RDH8: variants seen among roughly 807,000 people sequenced by gnomAD.
The protein encoded by RDH8 is retinol dehydrogenase 8.
Under a neutral mutation model 22.3 loss-of-function variants are expected in RDH8, and 14 were observed. The observed-to-expected ratio is 0.63, with a 90% CI of 0.42 to 0.98. The LOEUF (loss-of-function observed/expected upper bound fraction) is 0.98, where lower values mean the gene tolerates loss of function less well. Among genes scored for constraint, RDH8 ranks in the 50% least tolerant of loss-of-function variants. The probability of loss-of-function intolerance (pLI) is 0.00; values close to 1 mark genes in which losing one functional copy is unlikely to be tolerated. For missense variants in RDH8, 389 were observed against 409.8 expected, an observed-to-expected ratio of 0.95 and a Z score of 0.44; for synonymous variants, 175 against 171.7, an observed-to-expected ratio of 1.02 and a Z score of -0.15.
At chr19:10,013,676 C>A in intron 1 of RDH8, 76 bp downstream of exon 1, 2 of 1,487,408 alleles carry the variant, frequency 1.3e-6, no homozygotes, top group Non-Finnish European at 9.3e-7. Flanking sequence ...CTACCCATCC[C>A]TCCCAGCTGC....
chr19:10,021,348 T>A lies in RDH8; in HGVS notation c.630T>A (p.Pro210=). Residue 210 remains proline, a synonymous_variant, in exon 5 of 6, where the codon CCT becomes CCA. Coordinates refer to ENST00000591589, the MANE Select transcript of RDH8 (RefSeq NM_015725.4). Reference sequence around the variant, plus strand: ...TGGCTGAGTTCCCAGGCACTGACCCTGAGACCCTGCACTACTTCCGGGACC... The same window carrying A: ...TGGCTGAGTTCCCAGGCACTGACCCAGAGACCCTGCACTACTTCCGGGACC... ...VSMAEFPGTD[P]ETLHYFRDLY... 1.2e-6 allele frequency: 2 copies of A among 1,614,016 alleles called. No homozygotes were observed. Among genetic ancestry groups the A allele is most frequent in the Non-Finnish European group, 1.7e-6 (2 of 1,179,986 alleles).
chr19:10,021,749 A>G lies in RDH8; in HGVS notation c.936A>G (p.Ter312TrpextTer46), dbSNP rs1458999259. Residue 312 changes from the stop codon to tryptophan, a stop_lost, in exon 6 of 6, where the codon TGA becomes TGG. Transcript: ENST00000591589. ...GCLPTRVRPR* is the reference protein window; with the variant it reads ...GCLPTRVRPRW ...TCCCAACGCGGGTGCGGCCAAGATG[A>G]GCAGAACAGAGCTTCACGATCCCCA... 1.2e-6 allele frequency: 2 copies of G among 1,612,926 alleles called. No individual in the cohort carries two copies. The highest frequency in any genetic ancestry group is 3.3e-5 in the Admixed American group (2 of 60,022).
At chr19:10,015,624 G>A (rs1224685078) in intron 1 of RDH8, among the ~76,000 whole-genome samples, 6 of 144,160 alleles carry the variant, frequency 4.2e-5, no homozygotes, top group African/African-American at 7.6e-5. Flanking sequence ...GCGAGACTCC[G>A]TCTCAAAAAA....
chr19:10,019,805 A>T (rs76194153), intron 3 of RDH8, among the ~76,000 whole-genome samples: 1 of 135,962 alleles, frequency 7.4e-6, no homozygotes, highest in Non-Finnish European at 1.5e-5. Context: ...CTGTCTAAAA[A>T]AAATAAATAA....
intron 2 of RDH8, 136 bp from the exon 3 acceptor site, chr19:10,018,584 GTTACCAAGGTT>G (rs1453702966): frequency 3.3e-6 from 2 of 612,936 alleles, no homozygotes; most frequent in East Asian, 5.6e-5. Flanking sequence ...GTGTTTAAAG[GTTACCAAGGTT>G]TCATATTTGT....
intron 1 of RDH8, among the ~76,000 whole-genome samples, 199 bp from the exon 2 acceptor site, chr19:10,016,858 T>C (rs1230607881): frequency 6.6e-6 from 1 of 152,146 alleles, no homozygotes; most frequent in African/African-American, 2.4e-5. Context: ...GTTGAACTCA[T>C]GGTTGGAAGG....
chr19:10,020,263 C>A (rs1456188820), intron 3 of RDH8, among the ~76,000 whole-genome samples: 1 of 150,046 alleles, frequency 6.7e-6, no homozygotes, highest in Non-Finnish European at 1.5e-5. Context: ...GATTGCACCA[C>A]TGCACCCCAG....
chr19:10,021,220 G>C (rs535674430), intron 4 of RDH8, 35 bp from the exon 5 acceptor site: 2 of 1,599,402 alleles, frequency 1.3e-6, no homozygotes, highest in East Asian at 2.2e-5. Flanking sequence ...AGTGGTTGGG[G>C]CATCAGACTT....
Position 10,018,629 on chromosome 19 carries a change from C to A in RDH8, c.263-102C>A, listed in dbSNP as rs981502638. Reference sequence around the variant, plus strand: ...GTCCACCCAAGATACCCTGGACTGGCCTTGGACTTGGAGTACGGGGTGAGG... The same window carrying A: ...GTCCACCCAAGATACCCTGGACTGGACTTGGACTTGGAGTACGGGGTGAGG... On this transcript the variant is annotated intron_variant, in intron 2 of 5. Coordinates refer to ENST00000591589, the MANE Select transcript of RDH8 (RefSeq NM_015725.4). 5.6e-6 allele frequency: 5 copies of A among 896,810 alleles called. No individual in the cohort carries two copies. The African/African-American group carries it at 8.4e-5, about 15-fold the overall frequency. The allele number at this position is 896,810 out of a possible 1,614,324, so 55.6% of individuals were successfully genotyped here. A position where few individuals can be genotyped will look rare whatever the true frequency, so the allele number is the denominator to read the frequency against.
chr19:10,021,098 C>A, intron 4 of RDH8, 157 bp from the exon 5 acceptor site: 2 of 702,498 alleles, frequency 2.8e-6, no homozygotes, highest in Non-Finnish European at 4.7e-6. Context: ...TGTTTGAACC[C>A]AGGAGTTGGA....
At chr19:10,013,838 G>A (rs1045724054) in intron 1 of RDH8, among the ~76,000 whole-genome samples, 1 of 152,178 alleles carries the variant, frequency 6.6e-6, no homozygotes, top group African/African-American at 2.4e-5. Flanking sequence ...CGGGTGTCAT[G>A]TGGGGAGGAG....
At chr19:10,016,833 G>T (rs1299966465) in intron 1 of RDH8, among the ~76,000 whole-genome samples, 1 of 152,170 alleles carries the variant, frequency 6.6e-6, no homozygotes, top group Non-Finnish European at 1.5e-5. Context: ...TATAGTAGAT[G>T]CTCAATAAAT....
intron 1 of RDH8, among the ~76,000 whole-genome samples, chr19:10,014,030 A>T (rs2145163131): frequency 6.6e-6 from 1 of 152,150 alleles, no homozygotes; most frequent in South Asian, 2.1e-4. Context: ...TCACTCTTCC[A>T]CGTCTCCCCA....
Position 10,021,569 on chromosome 19 carries a change from C to T in RDH8, c.756C>T (p.Pro252=). Residue 252 remains proline, a synonymous_variant, in exon 6 of 6, where the codon CCC becomes CCT. Coordinates refer to ENST00000591589, the MANE Select transcript of RDH8 (RefSeq NM_015725.4). ...ACGTCATCAGCTCGACTCGACCACCCCTGCGCCGACAGACCAACATCCGCT... is the reference window on the plus strand; with the variant it reads ...ACGTCATCAGCTCGACTCGACCACCTCTGCGCCGACAGACCAACATCCGCT... ...IVNVISSTRP[P]LRRQTNIRYS... is the part of the protein sequence containing the mutation. 1.2e-6 allele frequency: 2 copies of T among 1,614,156 alleles called. No homozygotes were observed. The highest frequency in any genetic ancestry group is 1.1e-5 in the South Asian group (1 of 91,076).
Position 10,017,194 on chromosome 19 carries a change from C to T in RDH8, c.241C>T (p.Gln81Ter). Reference sequence around the variant, plus strand: ...GGTGGCCCAGTGTCTCAGCTGTATCCAGGGAGAAGTGGACGTGCTGGGTGA... The same window carrying T: ...GGTGGCCCAGTGTCTCAGCTGTATCTAGGGAGAAGTGGACGTGCTGGGTGA... ...ESVAQCLSCI[Q>*]GEVDVLVNNA... is the part of the protein sequence containing the mutation. Residue 81 changes from glutamine (Q) to a stop codon, truncating the protein, a stop_gained, in exon 2 of 6, where the codon CAG (glutamine) becomes TAG (stop). Coordinates refer to ENST00000591589, the MANE Select transcript of RDH8 (RefSeq NM_015725.4). LOFTEE classifies it high-confidence loss of function. The T allele has an allele frequency of 6.3e-7, 1 of 1,599,950 alleles. No individual in the cohort carries two copies. The highest frequency in any genetic ancestry group is 8.5e-7 in the Non-Finnish European group (1 of 1,171,558).
intron 1 of RDH8, among the ~76,000 whole-genome samples, chr19:10,014,191 C>T (rs1047621215): frequency 6.6e-6 from 1 of 152,188 alleles, no homozygotes; most frequent in African/African-American, 2.4e-5. Flanking sequence ...ACCCCTGACC[C>T]AGAGGGAGCA....
chr19:10,020,800 C>T lies in RDH8; in HGVS notation c.534C>T (p.Ile178=). ...CTATCCAGCTGCTGCAGTTCAACAT[C>T]TTGTGAGGCGGGCACGTGGGCAGAG... is the stretch of plus-strand genomic sequence containing the variant. ...SLAIQLLQFN[I]FISLVEPGPV... Residue 178 remains isoleucine (I), a splice_region_variant and synonymous_variant, in exon 4 of 6, where the codon ATC becomes ATT. Coordinates refer to ENST00000591589, the MANE Select transcript of RDH8 (RefSeq NM_015725.4). The T allele has an allele frequency of 1.2e-6, 2 of 1,606,312 alleles. No homozygotes were observed. Among genetic ancestry groups the T allele is most frequent in the Non-Finnish European group, 8.5e-7 (1 of 1,175,196 alleles).
chr19:10,022,151 A>C lies in RDH8; in HGVS notation c.*402A>C, dbSNP rs995515008. On this transcript the variant is annotated 3_prime_UTR_variant, in exon 6 of 6. Transcript: ENST00000591589. Reference sequence around the variant, plus strand: ...GATTCATAGCCCACCCCCCACCTCCATGCATACACCAGAGCTCTGTGGACC... The same window carrying C: ...GATTCATAGCCCACCCCCCACCTCCCTGCATACACCAGAGCTCTGTGGACC... 1 of 212,786 alleles carries C rather than the reference A, an allele frequency of 4.7e-6. No homozygotes were observed. 13.2% of individuals were successfully genotyped at this position (212,786 alleles called of 1,614,324 possible).
intron 2 of RDH8, among the ~76,000 whole-genome samples, chr19:10,017,711 A>G (rs922837831): frequency 3.3e-5 from 5 of 151,986 alleles, no homozygotes; most frequent in Non-Finnish European, 7.4e-5. Context: ...CAGTGGCGTG[A>G]TCTCGGCTCA....
Sources: gnomAD v4.1 joint callset for allele counts (sites outside exome capture counted in the v4.1 genomes callset) on GRCh38, gnomAD v4.1.1 for gene constraint, MANE v1.5 for transcripts, NCBI Gene and HGNC (gene_info 2026-07-23, HGNC 2026-07-21) for gene names.